Variants in PIEZO2 observed in about 807,000 individuals in gnomAD.
PIEZO2 encodes the protein piezo type mechanosensitive ion channel component 2, also known as piezo-type mechanosensitive ion channel component 2.
Under a neutral mutation model 337.3 loss-of-function variants are expected in PIEZO2, and 172 were observed. That is an observed-to-expected ratio of 0.51 (90% CI 0.45 to 0.58). The LOEUF (loss-of-function observed/expected upper bound fraction) is 0.58. PIEZO2 is among the 20% of genes least tolerant of loss of function. PIEZO2 has a pLI of 0.00. For missense variants in PIEZO2, 3,028 were observed against 3,391.3 expected, an observed-to-expected ratio of 0.89 and a Z score of 2.66; for synonymous variants, 1,251 against 1,228.5, an observed-to-expected ratio of 1.02 and a Z score of -0.38.
Position 10,982,305 on chromosome 18 carries a change from G to A in PIEZO2, c.161-2645C>T, listed in dbSNP as rs938821145. Among the ~76,000 whole-genome samples the A allele has an allele frequency of 2.6e-5, 4 of 151,910 alleles. No individual in the cohort carries two copies. Among genetic ancestry groups the A allele is most frequent in the Admixed American group, 6.6e-5 (1 of 15,262 alleles). On this transcript the variant is annotated intron_variant, in intron 2 of 55. Coordinates refer to ENST00000674853, the MANE Select transcript of PIEZO2 (RefSeq NM_001378183.1). This position sits in a 1 kb window ranked among gnomAD's most constrained non-coding sequence, Gnocchi z 4.1. The stretch of plus-strand genomic sequence containing the variant: ...GGAGTATTGACTCACACAGTCACAA[G>A]GTGATAAAAGTATTTAAGAATTAAC...
At chr18:10,718,175 C>T (rs1171717324) in intron 37 of PIEZO2, 25 bp downstream of exon 37, 1 of 1,524,758 alleles carries the variant, frequency 6.6e-7, no homozygotes, top group African/African-American at 1.4e-5. Context: ...GTTCCCACAG[C>T]TCATATTTGT....
rs996276533 is a variant in PIEZO2, at chr18:10,724,888, C to A, written c.5029+6519G>T. 10 of 1,609,048 alleles carry A rather than the reference C, an allele frequency of 6.2e-6. No individual in the cohort carries two copies. The African/African-American group carries it at 1.2e-4, about 19-fold the overall frequency. On this transcript the variant is annotated intron_variant, in intron 36 of 55. Coordinates refer to ENST00000674853, the MANE Select transcript of PIEZO2 (RefSeq NM_001378183.1). This position sits in a 1 kb window ranked among gnomAD's most constrained non-coding sequence, Gnocchi z 5.8. ...CACCTACTCTGTAAATAGTACTGGC[C>A]GGCGGGGGCGTGGCACCCTGGGACA...
intron 2 of PIEZO2, among the ~76,000 whole-genome samples, chr18:11,055,063 T>C (rs956005347): frequency 6.6e-6 from 1 of 151,854 alleles, no homozygotes; most frequent in African/African-American, 2.4e-5. Flanking sequence ...CACAAAAAAT[T>C]AGCTGGGCGC....
chr18:10,851,246 A>G (rs1288662489), intron 7 of PIEZO2, among the ~76,000 whole-genome samples: 2 of 149,454 alleles, frequency 1.3e-5, no homozygotes, highest in Non-Finnish European at 3.0e-5. Context: ...ATGCCCTAGG[A>G]TAAAGCTATG....
In PIEZO2 at chr18:10,828,062, C is replaced by T. The variant is rs1214646402; in HGVS notation, c.918-20788G>A. On this transcript the variant is annotated intron_variant, in intron 7 of 55. Coordinates refer to ENST00000674853, the MANE Select transcript of PIEZO2 (RefSeq NM_001378183.1). This position sits in a 1 kb window ranked among gnomAD's most constrained non-coding sequence, Gnocchi z 4.1. Reference sequence around the variant, plus strand: ...GAATAAACATATAAACTATTGCAACCCCAAGGCAAACTTAGCATTCAATAA... The same window carrying T: ...GAATAAACATATAAACTATTGCAACTCCAAGGCAAACTTAGCATTCAATAA... 2.0e-5 allele frequency among the ~76,000 whole-genome samples: 3 copies of T among 151,700 alleles called. No individual in the cohort carries two copies. Among genetic ancestry groups the T allele is most frequent in the African/African-American group, 4.8e-5 (2 of 41,334 alleles).
Position 10,773,263 on chromosome 18 carries a change from T to C in PIEZO2, c.2785+149A>G, listed in dbSNP as rs776700476. 4 of 765,796 alleles carry C rather than the reference T, an allele frequency of 5.2e-6. No individual in the cohort carries two copies. Among genetic ancestry groups the C allele is most frequent in the Non-Finnish European group, 8.3e-6 (4 of 480,896 alleles). The allele number at this position is 765,796 out of a possible 1,614,324, so 47.4% of individuals were successfully genotyped here. A position where few individuals can be genotyped will look rare whatever the true frequency, so the allele number is the denominator to read the frequency against. ...TGTTGGAGCAATTGGAACAGTAATA[T>C]TATAACTATAGCAATCAAACAAAAA... On this transcript the variant is annotated intron_variant, in intron 20 of 55. Transcript: ENST00000674853. The surrounding 1 kb of genome is among the most constrained non-coding windows in gnomAD (Gnocchi z 5.3).
In PIEZO2 at chr18:11,132,740, C is replaced by G. The variant is rs879607020; in HGVS notation, c.64+15785G>C. 2.0e-5 allele frequency among the ~76,000 whole-genome samples: 3 copies of G among 152,160 alleles called. No homozygotes were observed. The highest frequency in any genetic ancestry group is 1.5e-5 in the Non-Finnish European group (1 of 68,034). ...AAGATTGCCACCTGGACACTTTGGG[C>G]TCCTCCTACCTTTAAGTCAACAGGC... On this transcript the variant is annotated intron_variant, in intron 1 of 55. Coordinates refer to ENST00000674853, the MANE Select transcript of PIEZO2 (RefSeq NM_001378183.1). The surrounding 1 kb of genome is among the most constrained non-coding windows in gnomAD (Gnocchi z 4.7).
chr18:10,853,102 G>A lies in PIEZO2; in HGVS notation c.917+2251C>T, dbSNP rs2041603551. Among the ~76,000 whole-genome samples, 1 of 152,202 alleles carries A rather than the reference G, an allele frequency of 6.6e-6. No individual in the cohort carries two copies. The highest frequency in any genetic ancestry group is 1.5e-5 in the Non-Finnish European group (1 of 68,040). On this transcript the variant is annotated intron_variant, in intron 7 of 55. Transcript: ENST00000674853. This position sits in a 1 kb window ranked among gnomAD's most constrained non-coding sequence, Gnocchi z 4.2. ...GTACATGACCTTGTAGGAGCATTCG[G>A]TGAGGGAAGAGCACTTCAAGTGAGC...
chr18:11,004,842 T>C (rs776387923), intron 2 of PIEZO2, among the ~76,000 whole-genome samples: 1 of 152,238 alleles, frequency 6.6e-6, no homozygotes, highest in African/African-American at 2.4e-5. Flanking sequence ...TTTCAGATAA[T>C]TGATTTGTGC....
chr18:11,102,566 A>G lies in PIEZO2; in HGVS notation c.65-36344T>C, dbSNP rs1295097453. 6.6e-6 allele frequency among the ~76,000 whole-genome samples: 1 copy of G among 152,210 alleles called. No homozygotes were observed. The highest frequency in any genetic ancestry group is 1.5e-5 in the Non-Finnish European group (1 of 68,032). ...GGAGAGGAAGCATCGGGGGTGAAGC[A>G]TCATGCCAGCTTGTTTTGCGTCTGG... is the stretch of plus-strand genomic sequence containing the variant. On this transcript the variant is annotated intron_variant, in intron 1 of 55. Transcript: ENST00000674853. The surrounding 1 kb of genome is among the most constrained non-coding windows in gnomAD (Gnocchi z 5.7).
intron 4 of PIEZO2, among the ~76,000 whole-genome samples, chr18:10,884,162 G>A (rs1240398234): frequency 1.3e-5 from 2 of 152,112 alleles, no homozygotes; most frequent in Admixed American, 6.6e-5. Flanking sequence ...GTGATGATGT[G>A]ATATTTGTCT....
rs190938950 is a variant in PIEZO2, at chr18:10,731,478, C to T, written c.4958G>A (p.Arg1653Gln). The change falls in exon 36 of 56, where the codon CGA becomes CAA. Residue 1653 changes from arginine (R) to glutamine (Q), a missense_variant. Arg to Gln is a conservative substitution (Grantham distance 43). Around this residue, in one of 5 missense-constraint regions of PIEZO2, gnomAD observed 1,925 missense variants for 2,051.9 expected, o/e 0.94. Transcript: ENST00000674853. ...AWITDPKTAL[R>Q]QRHKEKKRSA... ...CCTTTTTTTCTCTTTGTGTCTTTGT[C>T]GGAGTGCTGTTTTAGGATCAGTAAT... The T allele has an allele frequency of 5.4e-4, 824 of 1,534,316 alleles. 3 individuals are homozygous for T. In the African/African-American group the frequency reaches 9.0e-3, roughly 17 times the overall value.
At chr18:10,937,476 T>C (rs1485576758) in intron 3 of PIEZO2, among the ~76,000 whole-genome samples, 1 of 152,158 alleles carries the variant, frequency 6.6e-6, no homozygotes, top group Non-Finnish European at 1.5e-5. Context: ...TGACAGATTA[T>C]TGGGAAGTCT....
Position 10,983,357 on chromosome 18 carries a change from G to T in PIEZO2, c.161-3697C>A, listed in dbSNP as rs752793248. On this transcript the variant is annotated intron_variant, in intron 2 of 55. Transcript: ENST00000674853. The stretch of plus-strand genomic sequence containing the variant: ...GTAAAAATATTAAAGAGGATAAGTA[G>T]TTTCACTTTACCAATGTCACCCCTC... Among the ~76,000 whole-genome samples the T allele has an allele frequency of 4.6e-4, 70 of 152,224 alleles. 1 individual carries two copies. In the Middle Eastern group the frequency reaches 0.01, roughly 22 times the overall value.
At chr18:10,749,711 G>T (rs1166662296) in intron 29 of PIEZO2, among the ~76,000 whole-genome samples, 1 of 152,126 alleles carries the variant, frequency 6.6e-6, no homozygotes, top group Admixed American at 6.5e-5. Context: ...AGGACAGGAG[G>T]AGCCTGAAGT....
At chr18:11,042,170 G>A (rs1011553888) in intron 2 of PIEZO2, among the ~76,000 whole-genome samples, 15 of 152,272 alleles carry the variant, frequency 9.9e-5, no homozygotes, top group Middle Eastern at 6.8e-3. Flanking sequence ...GGAAAAGCCT[G>A]CCTCTGCCAA....
chr18:10,809,332 G>T (rs940833710), intron 7 of PIEZO2, among the ~76,000 whole-genome samples: 1 of 129,408 alleles, frequency 7.7e-6, no homozygotes, highest in Non-Finnish European at 1.5e-5. Context: ...GTACAGTGGC[G>T]CAATCTCGGC....
Position 10,904,608 on chromosome 18 carries a change from G to A in PIEZO2, c.329+6578C>T, listed in dbSNP as rs905690744. ...TTCACACTGAGCAAATGCTTCAAGA[G>A]CCACTGCCTGGTATGGCCAAGGCAT... On this transcript the variant is annotated intron_variant, in intron 4 of 55. Transcript: ENST00000674853. Among the ~76,000 whole-genome samples the A allele has an allele frequency of 2.0e-5, 3 of 152,226 alleles. 1 individual carries two copies. The highest frequency in any genetic ancestry group is 2.0e-4 in the Admixed American group (3 of 15,286).
chr18:10,828,731 C>T lies in PIEZO2; in HGVS notation c.918-21457G>A, dbSNP rs577174684. Among the ~76,000 whole-genome samples the T allele has an allele frequency of 1.3e-3, 200 of 152,276 alleles. 1 individual carries two copies. The highest frequency in any genetic ancestry group is 4.5e-3 in the African/African-American group (186 of 41,554). ...TCTGGAGTCTGAGCATCTGTAAGAA[C>T]ATGACAGTCTTATAATACATTTCCC... On this transcript the variant is annotated intron_variant, in intron 7 of 55. Coordinates refer to ENST00000674853, the MANE Select transcript of PIEZO2 (RefSeq NM_001378183.1). The surrounding 1 kb of genome is among the most constrained non-coding windows in gnomAD (Gnocchi z 4.1).
Sources: allele counts gnomAD v4.1 joint callset (sites outside exome capture counted in the v4.1 genomes callset), GRCh38; gene constraint gnomAD v4.1.1; regional missense constraint gnomAD v4.1.1; non-coding constraint Gnocchi (gnomAD v3.1); transcripts MANE v1.5; gene names NCBI Gene and HGNC (gene_info 2026-07-23, HGNC 2026-07-21).